GRID2: variants seen among roughly 807,000 people sequenced by gnomAD.
The protein encoded by GRID2 is glutamate ionotropic receptor delta type subunit 2.
Under a neutral mutation model 114.8 loss-of-function variants are expected in GRID2, and 33 were observed. The observed-to-expected ratio is 0.29, with a 90% CI of 0.22 to 0.38. The LOEUF (loss-of-function observed/expected upper bound fraction) is 0.38, where lower values mean the gene tolerates loss of function less well. Among genes scored for constraint, GRID2 ranks in the 10% least tolerant of loss-of-function variants. The probability of loss-of-function intolerance (pLI) is 1.00; values close to 1 mark genes in which losing one functional copy is unlikely to be tolerated. For missense variants in GRID2, 1,184 were observed against 1,257.7 expected (o/e 0.94, Z 0.89); for synonymous variants, 505 against 449.9 (o/e 1.12, Z -1.55).
Position 92,976,708 on chromosome 4 carries a change from T to C in GRID2, c.245-108287T>C, listed in dbSNP as rs1411151902. On this transcript the variant is annotated intron_variant, in intron 2 of 15. Transcript: ENST00000282020. ...GGTATTATCTCTATACTTCTCCCTA[T>C]ATTAGCAGAGAAAATTGACTTGATG... 2.0e-5 allele frequency among the ~76,000 whole-genome samples: 3 copies of C among 152,128 alleles called. 1 individual carries two copies. Among genetic ancestry groups the C allele is most frequent in the South Asian group, 2.1e-4 (1 of 4,832 alleles).
At chr4:93,712,522 AATTG>A (rs1454252202) in intron 14 of GRID2, among the ~76,000 whole-genome samples, 6 of 152,138 alleles carry the variant, frequency 3.9e-5, no homozygotes, top group African/African-American at 1.4e-4. Context: ...AATTTTAAAT[AATTG>A]ATTATTCATG....
intron 14 of GRID2, among the ~76,000 whole-genome samples, chr4:93,630,412 C>T (rs958737939): frequency 1.3e-5 from 2 of 152,168 alleles, no homozygotes; most frequent in African/African-American, 4.8e-5. Context: ...ATAAAGTTAA[C>T]TCCAGTGTTG....
chr4:93,229,884 C>A (rs1745913463), intron 7 of GRID2, among the ~76,000 whole-genome samples: 1 of 151,968 alleles, frequency 6.6e-6, no homozygotes, highest in Admixed American at 6.6e-5. Flanking sequence ...CATTTTCATT[C>A]TTTTTTTAAA....
intron 14 of GRID2, among the ~76,000 whole-genome samples, chr4:93,671,133 G>T (rs1560885008): frequency 6.6e-6 from 1 of 152,146 alleles, no homozygotes; most frequent in Non-Finnish European, 1.5e-5. Flanking sequence ...AAGACTGCTG[G>T]AAAAGGGTCT....
intron 2 of GRID2, among the ~76,000 whole-genome samples, chr4:92,978,442 G>A (rs1445560238): frequency 6.6e-6 from 1 of 152,014 alleles, no homozygotes; most frequent in Non-Finnish European, 1.5e-5. Context: ...GAACATAGCA[G>A]ACACTCAAGA....
chr4:93,325,026 C>T (rs1370068865), intron 8 of GRID2, among the ~76,000 whole-genome samples: 1 of 152,082 alleles, frequency 6.6e-6, no homozygotes, highest in African/African-American at 2.4e-5. Flanking sequence ...TTTTTTGTGT[C>T]TCTATCTCCT....
chr4:93,316,401 G>A (rs181992237), intron 8 of GRID2, among the ~76,000 whole-genome samples: 2 of 150,932 alleles, frequency 1.3e-5, no homozygotes, highest in Admixed American at 1.3e-4. Flanking sequence ...AAGGAAGGAA[G>A]GAAGGAGAAG....
At chr4:93,509,576 C>G (rs926536561) in intron 12 of GRID2, among the ~76,000 whole-genome samples, 3 of 152,114 alleles carry the variant, frequency 2.0e-5, no homozygotes, top group Admixed American at 1.3e-4. Flanking sequence ...GTATTAGTTC[C>G]TCTGCTCAAT....
intron 1 of GRID2, among the ~76,000 whole-genome samples, chr4:92,568,187 T>C (rs951037985): frequency 6.6e-6 from 1 of 151,956 alleles, no homozygotes; most frequent in Admixed American, 6.6e-5. Flanking sequence ...GAGATGGGAA[T>C]ATACTTTTTG....
At chr4:93,356,853 G>T (rs114817675) in intron 8 of GRID2, among the ~76,000 whole-genome samples, 260 of 151,764 alleles carry the variant, frequency 1.7e-3, no homozygotes, top group African/African-American at 5.9e-3. Flanking sequence ...TTATTTTTAT[G>T]TACAAGCATT....
intron 2 of GRID2, among the ~76,000 whole-genome samples, chr4:92,893,359 A>T (rs1746930313): frequency 6.6e-6 from 1 of 152,156 alleles, no homozygotes; most frequent in African/African-American, 2.4e-5. Flanking sequence ...TTTATTCCAT[A>T]TTGGTTAGAT....
chr4:92,454,205 C>T (rs940698949), intron 1 of GRID2, among the ~76,000 whole-genome samples: 2 of 152,030 alleles, frequency 1.3e-5, no homozygotes, highest in African/African-American at 2.4e-5. Context: ...AAAACAATGA[C>T]AAAATAATTA....
intron 2 of GRID2, among the ~76,000 whole-genome samples, chr4:92,661,429 G>A (rs556614178): frequency 1.4e-4 from 21 of 150,854 alleles, no homozygotes; most frequent in Admixed American, 3.3e-4. Flanking sequence ...AAATGAAACA[G>A]CTTTACCATA....
At chr4:92,876,048 C>G (rs1013369672) in intron 2 of GRID2, among the ~76,000 whole-genome samples, 1 of 151,946 alleles carries the variant, frequency 6.6e-6, no homozygotes, top group Non-Finnish European at 1.5e-5. Context: ...TCTTAATACG[C>G]TCTCAATTCA....
intron 2 of GRID2, among the ~76,000 whole-genome samples, chr4:93,059,943 A>G (rs1322197564): frequency 6.6e-6 from 1 of 152,032 alleles, no homozygotes; most frequent in Admixed American, 6.6e-5. Context: ...CTAGACCACT[A>G]TCATCTTTAC....
intron 2 of GRID2, among the ~76,000 whole-genome samples, chr4:92,688,342 G>A (rs562801270): frequency 9.9e-5 from 15 of 151,938 alleles, no homozygotes; most frequent in African/African-American, 1.7e-4. Context: ...GAGCCACCAC[G>A]CCCGGCCAAC....
intron 13 of GRID2, among the ~76,000 whole-genome samples, chr4:93,551,517 A>C (rs13140146): frequency 0.32 from 48,865 of 152,012 alleles, 8,723 homozygotes; most frequent in African/African-American, 0.47. Flanking sequence ...CTAGAGAAGA[A>C]TAAGCAAGTT....
At chr4:93,635,020 T>A (rs1721288197) in intron 14 of GRID2, among the ~76,000 whole-genome samples, 1 of 152,118 alleles carries the variant, frequency 6.6e-6, no homozygotes, top group African/African-American at 2.4e-5. Context: ...ATTATTTATT[T>A]TAATTATGAT....
At chr4:92,812,539 TGA>T (rs1302847666) in intron 2 of GRID2, among the ~76,000 whole-genome samples, 1 of 152,124 alleles carries the variant, frequency 6.6e-6, no homozygotes, top group African/African-American at 2.4e-5. Flanking sequence ...ATTACCACTG[TGA>T]TTTTAAATGT....
Sources: allele counts gnomAD v4.1 joint callset (sites outside exome capture counted in the v4.1 genomes callset), GRCh38; gene constraint gnomAD v4.1.1; transcripts MANE v1.5; gene names NCBI Gene and HGNC (gene_info 2026-07-23, HGNC 2026-07-21).